FSTL5: variants seen among roughly 807,000 people sequenced by gnomAD.
FSTL5 encodes the protein follistatin-related protein 5.
A neutral mutation model predicts 89.1 loss-of-function variants in FSTL5; 62 were observed. That is an observed-to-expected ratio of 0.70 (90% CI 0.57 to 0.86). The LOEUF is 0.86. Ranked by LOEUF, FSTL5 falls within the 40% of genes least tolerant of loss-of-function variation. The probability of loss-of-function intolerance (pLI) is 0.00; values close to 1 mark genes in which losing one functional copy is unlikely to be tolerated. For synonymous variants in FSTL5, 383 were observed against 346.2 expected, an observed-to-expected ratio of 1.11 and a Z score of -1.18; for missense variants, 1,057 against 1,001.6, an observed-to-expected ratio of 1.06 and a Z score of -0.75.
At chr4:162,117,110 A>G (rs1192081018) in intron 1 of FSTL5, among the ~76,000 whole-genome samples, 1 of 152,188 alleles carries the variant, frequency 6.6e-6, no homozygotes, top group Non-Finnish European at 1.5e-5. Flanking sequence ...AGCAGAAAAG[A>G]GCTGTAAATG....
intron 4 of FSTL5, among the ~76,000 whole-genome samples, chr4:161,783,680 T>C (rs1290487915): frequency 1.6e-4 from 4 of 24,976 alleles, no homozygotes; most frequent in Admixed American, 5.3e-4. Flanking sequence ...TTTCTTTCTC[T>C]TTCTTTCTTT....
At chr4:161,900,641 A>C (rs1733328173) in intron 4 of FSTL5, among the ~76,000 whole-genome samples, 1 of 45,584 alleles carries the variant, frequency 2.2e-5, no homozygotes, top group African/African-American at 5.1e-5. Flanking sequence ...TCCATCTCAA[A>C]AAAAAAAAAA....
At chr4:161,996,827 C>CT (rs1736309915) in intron 3 of FSTL5, among the ~76,000 whole-genome samples, 1 of 152,198 alleles carries the variant, frequency 6.6e-6, no homozygotes, top group Non-Finnish European at 1.5e-5. Flanking sequence ...TCCATCTGTA[C>CT]TTTAAGTATA....
chr4:161,386,497 A>T, intron 15 of FSTL5, 48 bp from the exon 16 acceptor site: 1 of 1,368,848 alleles, frequency 7.3e-7, no homozygotes. Context: ...TGGAGTTTTT[A>T]GCCGTAAGAA....
intron 3 of FSTL5, among the ~76,000 whole-genome samples, chr4:162,006,475 G>A (rs1299629910): frequency 6.6e-6 from 1 of 151,898 alleles, no homozygotes; most frequent in Non-Finnish European, 1.5e-5. Context: ...GGCAATACAA[G>A]TGTTCTATAT....
chr4:162,008,025 G>T (rs912697177), intron 3 of FSTL5, among the ~76,000 whole-genome samples: 5 of 151,712 alleles, frequency 3.3e-5, no homozygotes, highest in African/African-American at 1.2e-4. Flanking sequence ...TATTGATATG[G>T]TATATATCAA....
chr4:161,717,485 A>G (rs1283371457), intron 6 of FSTL5, among the ~76,000 whole-genome samples: 2 of 152,126 alleles, frequency 1.3e-5, no homozygotes, highest in African/African-American at 4.8e-5. Flanking sequence ...TAAAAATCAT[A>G]CCCCTTGCAT....
intron 8 of FSTL5, among the ~76,000 whole-genome samples, chr4:161,571,330 T>C (rs1372175736): frequency 2.0e-5 from 3 of 151,850 alleles, no homozygotes; most frequent in Non-Finnish European, 2.9e-5. Flanking sequence ...TATCTCTCAC[T>C]GTGACAAACC....
chr4:161,676,545 C>T (rs1737310895), intron 6 of FSTL5, among the ~76,000 whole-genome samples: 1 of 151,932 alleles, frequency 6.6e-6, no homozygotes, highest in Admixed American at 6.6e-5. Context: ...GGAGAAATAC[C>T]TAATGTGGAT....
Position 161,538,325 on chromosome 4 carries a change from T to C in FSTL5, c.1178-25A>G, listed in dbSNP as rs112856152. On this transcript the variant is annotated intron_variant, in intron 9 of 15. Coordinates refer to ENST00000306100, the MANE Select transcript of FSTL5 (RefSeq NM_020116.5). Reference sequence around the variant, plus strand: ...GCTGAAAAAAGAAGGGAAATGCAACTTGTAAACTACAATTTCAGTTTTGGA... The same window carrying C: ...GCTGAAAAAAGAAGGGAAATGCAACCTGTAAACTACAATTTCAGTTTTGGA... The C allele has an allele frequency of 2.2e-4, 355 of 1,612,970 alleles. 1 individual carries two copies. The African/African-American group carries it at 4.3e-3, about 19-fold the overall frequency.
At chr4:162,143,628 T>C (rs1732836876) in intron 1 of FSTL5, among the ~76,000 whole-genome samples, 1 of 152,024 alleles carries the variant, frequency 6.6e-6, no homozygotes, top group Non-Finnish European at 1.5e-5. Flanking sequence ...TTTTAGGGCA[T>C]CTGGATCTTT....
chr4:161,993,855 C>G (rs541202118), intron 3 of FSTL5, among the ~76,000 whole-genome samples: 1 of 152,152 alleles, frequency 6.6e-6, no homozygotes, highest in East Asian at 1.9e-4. Context: ...ATATGATTGA[C>G]TAAAAATATT....
intron 10 of FSTL5, among the ~76,000 whole-genome samples, chr4:161,529,401 G>A (rs1239191108): frequency 7.0e-6 from 1 of 142,176 alleles, no homozygotes; most frequent in African/African-American, 2.5e-5. Flanking sequence ...AAATTGAGAA[G>A]CATGAATATT....
At chr4:161,422,027 T>C (rs762947704) in intron 15 of FSTL5, among the ~76,000 whole-genome samples, 1 of 152,074 alleles carries the variant, frequency 6.6e-6, no homozygotes, top group African/African-American at 2.4e-5. Flanking sequence ...ATACCTTATA[T>C]GTGCTATGTA....
intron 3 of FSTL5, among the ~76,000 whole-genome samples, chr4:161,948,893 T>C (rs1418813951): frequency 6.6e-6 from 1 of 152,206 alleles, no homozygotes; most frequent in Non-Finnish European, 1.5e-5. Flanking sequence ...GCCCTGTGGC[T>C]ATTTTCTCTC....
At chr4:161,588,511 A>C (rs1011300370) in intron 7 of FSTL5, among the ~76,000 whole-genome samples, 1 of 152,198 alleles carries the variant, frequency 6.6e-6, no homozygotes, top group Non-Finnish European at 1.5e-5. Context: ...GAAGAAAAAA[A>C]CTTGCACCGT....
At chr4:161,923,943 G>A (rs1298004117) in intron 3 of FSTL5, among the ~76,000 whole-genome samples, 1 of 151,752 alleles carries the variant, frequency 6.6e-6, no homozygotes, top group Non-Finnish European at 1.5e-5. Context: ...TCCAAAGAAA[G>A]CTCATATTAT....
chr4:161,706,443 G>A (rs894048193), intron 6 of FSTL5, among the ~76,000 whole-genome samples: 3 of 151,926 alleles, frequency 2.0e-5, no homozygotes, highest in Non-Finnish European at 2.9e-5. Flanking sequence ...ATATAAAAAC[G>A]TTATTGAATT....
At chr4:161,609,016 C>G (rs775346958) in intron 7 of FSTL5, among the ~76,000 whole-genome samples, 1 of 151,874 alleles carries the variant, frequency 6.6e-6, no homozygotes, top group Non-Finnish European at 1.5e-5. Context: ...TCATATTAAC[C>G]TATAATTTTA....
Sources: allele counts gnomAD v4.1 joint callset (sites outside exome capture counted in the v4.1 genomes callset), GRCh38; gene constraint gnomAD v4.1.1; transcripts MANE v1.5; gene names NCBI Gene and HGNC (gene_info 2026-07-23, HGNC 2026-07-21).